The following VAV2 variants were observed in gnomAD, a reference collection of about 807,000 sequenced individuals.
VAV2 encodes the protein vav guanine nucleotide exchange factor 2, also known as guanine nucleotide exchange factor VAV2.
A neutral mutation model predicts 132.5 loss-of-function variants in VAV2; 67 were observed. That is an observed-to-expected ratio of 0.51 (90% CI 0.42 to 0.62). The LOEUF (loss-of-function observed/expected upper bound fraction) is 0.62, where lower values mean the gene tolerates loss of function less well. Ranked by LOEUF, VAV2 falls within the 20% of genes least tolerant of loss-of-function variation. The probability of loss-of-function intolerance (pLI) is 0.00; values close to 1 mark genes in which losing one functional copy is unlikely to be tolerated. For missense variants in VAV2, 938 were observed against 1,153.6 expected (o/e 0.81, Z 2.71); for synonymous variants, 492 against 443.5 (o/e 1.11, Z -1.37).
chr9:133,846,540 CCT>C (rs1210580918), intron 3 of VAV2, among the ~76,000 whole-genome samples: 1 of 152,194 alleles, frequency 6.6e-6, no homozygotes, highest in Admixed American at 6.5e-5. Flanking sequence ...TGCTCCCTCC[CCT>C]GTCCAGCCCT....
chr9:133,879,964 T>C lies in VAV2; in HGVS notation c.322-18532A>G, dbSNP rs951493989. 6.6e-6 allele frequency among the ~76,000 whole-genome samples: 1 copy of C among 152,240 alleles called. No homozygotes were observed. The highest frequency in any genetic ancestry group is 2.4e-5 in the African/African-American group (1 of 41,474). ...GCCACTTTATGGATTTTTCTTTTCC[T>C]GTCTAAGGGTAGGATTCAAAAATGC... On this transcript the variant is annotated intron_variant, in intron 2 of 29. Transcript: ENST00000371850. The surrounding 1 kb of genome is among the most constrained non-coding windows in gnomAD (Gnocchi z 4.4).
intron 4 of VAV2, among the ~76,000 whole-genome samples, chr9:133,822,559 C>T (rs573285894): frequency 2.0e-5 from 3 of 152,286 alleles, no homozygotes; most frequent in Non-Finnish European, 2.9e-5. Flanking sequence ...ACCCTCACCA[C>T]GACCCATGAG....
At chr9:133,779,136 TTG>T (rs1833916902) in intron 21 of VAV2, among the ~76,000 whole-genome samples, 1 of 152,266 alleles carries the variant, frequency 6.6e-6, no homozygotes, top group African/African-American at 2.4e-5. Flanking sequence ...AGATGGCACT[TTG>T]TGTTTTCTTC....
At chr9:133,806,415 C>T (rs1289172402) in intron 8 of VAV2, among the ~76,000 whole-genome samples, 2 of 152,160 alleles carry the variant, frequency 1.3e-5, no homozygotes, top group Admixed American at 6.5e-5. Flanking sequence ...GCCCACAGCC[C>T]GCACCAGCCC....
rs866270239 is a variant in VAV2, at chr9:133,935,889, G to A, written c.321+3214C>T. Among the ~76,000 whole-genome samples, 1 of 152,192 alleles carries A rather than the reference G, an allele frequency of 6.6e-6. No individual in the cohort carries two copies. The highest frequency in any genetic ancestry group is 1.5e-5 in the Non-Finnish European group (1 of 68,036). On this transcript the variant is annotated intron_variant, in intron 2 of 29. Coordinates refer to ENST00000371850, the MANE Select transcript of VAV2 (RefSeq NM_001134398.2). The surrounding 1 kb of genome is among the most constrained non-coding windows in gnomAD (Gnocchi z 5.2). The stretch of plus-strand genomic sequence containing the variant: ...CCAGCACCCAGCACACGGTCCCAGG[G>A]GGCCCGGTCCCCAGCCAGCTGTCCC...
chr9:133,847,783 T>C (rs902350998), intron 3 of VAV2, among the ~76,000 whole-genome samples: 6 of 152,158 alleles, frequency 3.9e-5, no homozygotes, highest in Non-Finnish European at 8.8e-5. Flanking sequence ...TTTAATGAGC[T>C]GACGCCTGGG....
At position 133,914,323 on chromosome 9, in the gene VAV2, T is replaced by A. The variant is rs928767941; in HGVS notation, c.321+24780A>T. On this transcript the variant is annotated intron_variant, in intron 2 of 29. Coordinates refer to ENST00000371850, the MANE Select transcript of VAV2 (RefSeq NM_001134398.2). ...TCAGAAATGCACCGGGACACGAATGTCCCCAGCAGTGATCTTCACAGTGGC... is the reference window on the plus strand; with the variant it reads ...TCAGAAATGCACCGGGACACGAATGACCCCAGCAGTGATCTTCACAGTGGC... Among the ~76,000 whole-genome samples the A allele has an allele frequency of 2.0e-4, 30 of 151,882 alleles. 1 individual carries two copies. The highest frequency in any genetic ancestry group is 7.3e-4 in the African/African-American group (30 of 41,342).
intron 2 of VAV2, among the ~76,000 whole-genome samples, chr9:133,903,513 G>A (rs1839524755): frequency 6.6e-6 from 1 of 152,202 alleles, no homozygotes; most frequent in Admixed American, 6.5e-5. Context: ...TGCCAGTCAG[G>A]AGAGGTTTTG....
At chr9:133,782,111 C>A (rs868790621) in intron 19 of VAV2, among the ~76,000 whole-genome samples, 5 of 135,806 alleles carry the variant, frequency 3.7e-5, no homozygotes, top group African/African-American at 8.3e-5. Flanking sequence ...GGGGGCGGGG[C>A]GGGGGAGGAA....
At chr9:133,837,681 A>T (rs1836524936) in intron 3 of VAV2, among the ~76,000 whole-genome samples, 1 of 151,842 alleles carries the variant, frequency 6.6e-6, no homozygotes, top group East Asian at 1.9e-4. Context: ...CCTGGGTCAC[A>T]GAGTGAGACT....
chr9:133,776,570 T>G (rs1385825782), intron 23 of VAV2, among the ~76,000 whole-genome samples: 1 of 151,988 alleles, frequency 6.6e-6, no homozygotes, highest in East Asian at 1.9e-4. Flanking sequence ...AGAGACTACC[T>G]CTTCCCTCGC....
Position 133,768,665 on chromosome 9 carries a change from G to A in VAV2, c.2435-69C>T. ...CCAACCAGTGATCCAGGAGGCCCTT[G>A]GGCCAAGCTGGGTCTCTCCCCTGGT... On this transcript the variant is annotated intron_variant, in intron 28 of 29. Transcript: ENST00000371850. This position sits in a 1 kb window ranked among gnomAD's most constrained non-coding sequence, Gnocchi z 5.3. The A allele has an allele frequency of 3.2e-6, 5 of 1,543,708 alleles. No homozygotes were observed. The South Asian group carries it at 4.9e-5, about 15-fold the overall frequency.
intron 4 of VAV2, among the ~76,000 whole-genome samples, chr9:133,821,779 T>C (rs1835796473): frequency 6.6e-6 from 1 of 152,160 alleles, no homozygotes; most frequent in Non-Finnish European, 1.5e-5. Context: ...AGGCCCGAGA[T>C]GGCCAGGCAG....
Position 133,797,804 on chromosome 9 carries a change from A to G in VAV2, c.842T>C (p.Leu281Pro). The G allele has an allele frequency of 6.2e-7, 1 of 1,613,942 alleles. No homozygotes were observed. Among genetic ancestry groups the G allele is most frequent in the African/African-American group, 1.3e-5 (1 of 75,042 alleles). ...KVFLDFKERL[L>P]IYGEYCSHME... ...GTGGCTGCAGTACTCCCCGTAGATCAGAAGCCTGGACGGTGCACACACACG... is the reference window on the plus strand; with the variant it reads ...GTGGCTGCAGTACTCCCCGTAGATCGGAAGCCTGGACGGTGCACACACACG... The change falls in exon 10 of 30, where the codon CTG (leucine) becomes CCG (proline). Residue 281 changes from leucine (L) to proline (P), a missense_variant. Transcript: ENST00000371850.
chr9:133,976,929 G>C (rs1269031404), intron 1 of VAV2, among the ~76,000 whole-genome samples: 1 of 152,234 alleles, frequency 6.6e-6, no homozygotes, highest in Admixed American at 6.5e-5. Context: ...CACAGTGTGA[G>C]CAGCTCCAGG....
intron 2 of VAV2, among the ~76,000 whole-genome samples, chr9:133,880,052 C>G (rs1365008695): frequency 3.3e-5 from 5 of 152,360 alleles, no homozygotes; most frequent in Admixed American, 2.6e-4. Flanking sequence ...ACAAGGCCAT[C>G]TGGAAGTAGA....
chr9:133,794,261 T>C lies in VAV2; in HGVS notation c.1101+1407A>G, dbSNP rs10121278. Among the ~76,000 whole-genome samples, 84,040 of 151,756 alleles carry C rather than the reference T, an allele frequency of 0.55. 23,677 individuals carry two copies. Among genetic ancestry groups the C allele is most frequent in the African/African-American group, 0.65 (26,843 of 41,392 alleles). ...TGTTGGAGAGGGGCGGCTTGGGGGCTGCAGAGCTGACACCGAGAAAGTTCT... is the reference window on the plus strand; with the variant it reads ...TGTTGGAGAGGGGCGGCTTGGGGGCCGCAGAGCTGACACCGAGAAAGTTCT... On this transcript the variant is annotated intron_variant, in intron 12 of 29. Coordinates refer to ENST00000371850, the MANE Select transcript of VAV2 (RefSeq NM_001134398.2). This position sits in a 1 kb window ranked among gnomAD's most constrained non-coding sequence, Gnocchi z 4.6.
At chr9:133,905,185 T>G (rs1310160166) in intron 2 of VAV2, among the ~76,000 whole-genome samples, 1 of 151,914 alleles carries the variant, frequency 6.6e-6, no homozygotes, top group Non-Finnish European at 1.5e-5. Context: ...TCCCAGCACT[T>G]CGGAAGGCCA....
chr9:133,853,763 C>A (rs1837277406), intron 3 of VAV2, among the ~76,000 whole-genome samples: 2 of 152,242 alleles, frequency 1.3e-5, no homozygotes, highest in East Asian at 3.9e-4. Flanking sequence ...CCCATGCCAA[C>A]ACTGCCCAGA....
Sources: allele counts gnomAD v4.1 joint callset (sites outside exome capture counted in the v4.1 genomes callset), GRCh38; gene constraint gnomAD v4.1.1; non-coding constraint Gnocchi (gnomAD v3.1); transcripts MANE v1.5; gene names NCBI Gene and HGNC (gene_info 2026-07-23, HGNC 2026-07-21).